Variants in PHF3 observed in about 807,000 individuals in gnomAD.
PHF3 encodes PHD finger protein 3.
PHF3 carries 41 observed loss-of-function variants against 178.4 expected under a neutral mutation model. The ratio of observed to expected loss-of-function variants is 0.23; its 90% CI spans 0.18 to 0.30. The LOEUF is 0.30. Among genes scored for constraint, PHF3 ranks in the 10% least tolerant of loss-of-function variants. The pLI, the probability that PHF3 is intolerant of heterozygous loss-of-function variation, is 1.00. For missense variants in PHF3, 2,346 were observed against 2,398.1 expected, an observed-to-expected ratio of 0.98 and a Z score of 0.45; for synonymous variants, 842 against 800.5, an observed-to-expected ratio of 1.05 and a Z score of -0.88.
intron 2 of PHF3, among the ~76,000 whole-genome samples, chr6:63,673,710 TC>T (rs1450043791): frequency 6.6e-6 from 1 of 152,174 alleles, no homozygotes; most frequent in Non-Finnish European, 1.5e-5. Context: ...CTGGAATGCC[TC>T]CCAGACCCTT....
intron 2 of PHF3, among the ~76,000 whole-genome samples, chr6:63,649,827 A>T (rs1764947492): frequency 6.6e-6 from 1 of 152,184 alleles, no homozygotes; most frequent in South Asian, 2.1e-4. Flanking sequence ...AACCTCTAGC[A>T]AGTAAGCAAA....
chr6:63,646,482 A>G (rs891430729), intron 1 of PHF3, 45 bp from the exon 2 acceptor site: 26 of 1,404,360 alleles, frequency 1.9e-5, no homozygotes, highest in South Asian at 1.0e-4. Context: ...GTGATTTTCA[A>G]TTGATAGCTT....
intron 2 of PHF3, among the ~76,000 whole-genome samples, chr6:63,653,426 T>C (rs1290528269): frequency 1.3e-5 from 2 of 152,102 alleles, no homozygotes. Flanking sequence ...TTGCTTAAAT[T>C]TATACCAAAG....
At chr6:63,709,672 G>A (rs756864779) in intron 14 of PHF3, among the ~76,000 whole-genome samples, 2 of 152,168 alleles carry the variant, frequency 1.3e-5, no homozygotes, top group African/African-American at 2.4e-5. Context: ...GAGTAAATGA[G>A]GAATACCTGT....
chr6:63,721,343 AGTT>A lies in PHF3; in HGVS notation c.*7638_*7640del, dbSNP rs1450783812. On this transcript the variant is annotated 3_prime_UTR_variant, in exon 16 of 16. Transcript: ENST00000262043. ...AATCTGGCAAACATCTGCAAGAAAA[AGTT>A]GTGCCATTTACTGTACATTCACCTC... The A allele has an allele frequency of 2.1e-5, 32 of 1,551,838 alleles. No individual in the cohort carries two copies. The highest frequency in any genetic ancestry group is 9.8e-5 in the Admixed American group (5 of 50,964).
At chr6:63,702,911 T>C (rs550962650) in intron 10 of PHF3, among the ~76,000 whole-genome samples, 1 of 152,320 alleles carries the variant, frequency 6.6e-6, no homozygotes, top group Admixed American at 6.5e-5. Context: ...AGAGTCTTGC[T>C]TTGTTGCCCA....
In PHF3 at chr6:63,720,735, ACGATATTTAC is replaced by A. The variant is rs770748359; in HGVS notation, c.*7029_*7038del. ...ATTGGTTTTAAAAATCTCTTGAGTAACGATATTTACCTTTCTACCATATTCAAAGCCCCCT... is the reference window on the plus strand; with the variant it reads ...ATTGGTTTTAAAAATCTCTTGAGTAACTTTCTACCATATTCAAAGCCCCCT... On this transcript the variant is annotated 3_prime_UTR_variant, in exon 16 of 16. Transcript: ENST00000262043. The A allele has an allele frequency of 1.0e-4, 162 of 1,549,352 alleles. 1 individual carries two copies. The highest frequency in any genetic ancestry group is 2.2e-5 in the Non-Finnish European group (25 of 1,146,120).
chr6:63,651,469 C>A (rs1431470227), intron 2 of PHF3, among the ~76,000 whole-genome samples: 1 of 152,108 alleles, frequency 6.6e-6, no homozygotes, highest in African/African-American at 2.4e-5. Context: ...TCAAGTGATT[C>A]TCTTGCCTCA....
At chr6:63,670,946 A>G (rs542064326) in intron 2 of PHF3, among the ~76,000 whole-genome samples, 1 of 152,156 alleles carries the variant, frequency 6.6e-6, no homozygotes, top group African/African-American at 2.4e-5. Context: ...TGATTCTCTA[A>G]GAACTCTTTT....
intron 2 of PHF3, among the ~76,000 whole-genome samples, chr6:63,679,254 T>C (rs1582061094): frequency 6.6e-6 from 1 of 152,098 alleles, no homozygotes; most frequent in East Asian, 1.9e-4. Context: ...GAAATAAACC[T>C]AATGACAATA....
chr6:63,647,884 A>C (rs112804430), intron 2 of PHF3, among the ~76,000 whole-genome samples: 19 of 152,260 alleles, frequency 1.2e-4, no homozygotes, highest in African/African-American at 4.6e-4. Context: ...AATAGTTCTC[A>C]GGTTTATGTG....
In PHF3 at chr6:63,719,599, G is replaced by A. The variant is rs1000160330; in HGVS notation, c.*5891G>A. 1.3e-5 allele frequency among the ~76,000 whole-genome samples: 2 copies of A among 152,052 alleles called. No homozygotes were observed. Among genetic ancestry groups the A allele is most frequent in the African/African-American group, 4.8e-5 (2 of 41,434 alleles). ...GAAAGTTCTGTTCACAATTGTATCA[G>A]TAACTGTTTTGGGAAAAATAATATT... On this transcript the variant is annotated 3_prime_UTR_variant, in exon 16 of 16. Transcript: ENST00000262043.
In PHF3 at chr6:63,718,564, G is replaced by C. The variant is rs1182237966; in HGVS notation, c.*4856G>C. The stretch of plus-strand genomic sequence containing the variant: ...TGCATATTTCCAATTTCTGACTTAG[G>C]GCTGGATTCTCTTACCTGCCCTGCA... On this transcript the variant is annotated 3_prime_UTR_variant, in exon 16 of 16. Coordinates refer to ENST00000262043, the MANE Select transcript of PHF3 (RefSeq NM_001370348.2). Among the ~76,000 whole-genome samples, 1 of 151,858 alleles carries C rather than the reference G, an allele frequency of 6.6e-6. No homozygotes were observed. The highest frequency in any genetic ancestry group is 1.5e-5 in the Non-Finnish European group (1 of 67,918).
At chr6:63,639,846 G>T (rs1228835708) in intron 1 of PHF3, among the ~76,000 whole-genome samples, 1 of 152,164 alleles carries the variant, frequency 6.6e-6, no homozygotes, top group Non-Finnish European at 1.5e-5. Context: ...TTAATGATGA[G>T]CTAGGTCCAC....
At chr6:63,685,983 T>C in intron 4 of PHF3, 72 bp downstream of exon 4, 1 of 1,023,930 alleles carries the variant, frequency 9.8e-7, no homozygotes, top group South Asian at 1.5e-5. Flanking sequence ...GGGATTAATG[T>C]GAGAATTGTT....
chr6:63,691,762 G>A lies in PHF3; in HGVS notation c.2215G>A (p.Asp739Asn). 1 of 1,610,346 alleles carries A rather than the reference G, an allele frequency of 6.2e-7. No homozygotes were observed. Among genetic ancestry groups the A allele is most frequent in the Non-Finnish European group, 8.5e-7 (1 of 1,177,722 alleles). Reference protein sequence around the residue: ...NRFMVGCGRCDDWFHGDCVGL... With the variant: ...NRFMVGCGRCNDWFHGDCVGL... Reference sequence around the variant, plus strand: ...GTTTATGGTTGGCTGTGGGAGATGTGATGACTGGTTTCATGGTGATTGTGT... The same window carrying A: ...GTTTATGGTTGGCTGTGGGAGATGTAATGACTGGTTTCATGGTGATTGTGT... The change falls in exon 5 of 16, where the codon GAT becomes AAT. Residue 739 changes from aspartate (D) to asparagine (N), a missense_variant. By Grantham distance (23) the Asp-to-Asn change is conservative (BLOSUM62 1). Around this residue, in one of 8 missense-constraint regions of PHF3, gnomAD observed 72 missense variants for 110.5 expected, o/e 0.65. Coordinates refer to ENST00000262043, the MANE Select transcript of PHF3 (RefSeq NM_001370348.2).
At chr6:63,641,853 C>T (rs947055937) in intron 1 of PHF3, among the ~76,000 whole-genome samples, 1 of 152,058 alleles carries the variant, frequency 6.6e-6, no homozygotes, top group African/African-American at 2.4e-5. Flanking sequence ...GTCTCGAACT[C>T]CTAACCTCAG....
chr6:63,639,159 A>G (rs1405911793), intron 1 of PHF3, among the ~76,000 whole-genome samples: 1 of 152,204 alleles, frequency 6.6e-6, no homozygotes, highest in Non-Finnish European at 1.5e-5. Flanking sequence ...TGACTATTAT[A>G]CAGTGAAGAG....
At chr6:63,656,790 T>G (rs575548721) in intron 2 of PHF3, among the ~76,000 whole-genome samples, 1 of 152,342 alleles carries the variant, frequency 6.6e-6, no homozygotes, top group African/African-American at 2.4e-5. Context: ...TTACATAGAA[T>G]CCAAAGTTGA....
Sources: gnomAD v4.1 joint callset for allele counts (sites outside exome capture counted in the v4.1 genomes callset) on GRCh38, gnomAD v4.1.1 for gene constraint, gnomAD v4.1.1 regional missense constraint, MANE v1.5 for transcripts, NCBI Gene and HGNC (gene_info 2026-07-23, HGNC 2026-07-21) for gene names.